TSPYL6: variants seen among roughly 807,000 people sequenced by gnomAD.
TSPYL6 encodes the protein testis-specific Y-encoded-like protein 6.
For missense variants in TSPYL6, 699 were observed against 531.5 expected (o/e 1.32, Z -3.10); for synonymous variants, 259 against 214.8 (o/e 1.21, Z -1.80).
rs1213946557 is a variant in TSPYL6 at position 54,256,163 on chromosome 2, C to T, written c.-12G>A. On this transcript the variant is annotated 5_prime_UTR_variant, in exon 1 of 1. Coordinates refer to ENST00000317802, the MANE Select transcript of TSPYL6 (RefSeq NM_001003937.3). ...TCCGGGAGGCTCATGTTGGTAGCGG[C>T]CAGGGCAGCAGTGGGTAGAGGCCAG... The T allele has an allele frequency of 8.1e-6, 13 of 1,604,512 alleles. No homozygotes were observed. The highest frequency in any genetic ancestry group is 1.1e-5 in the Non-Finnish European group (13 of 1,174,740).
chr2:54,254,922 A>G lies in TSPYL6; in HGVS notation c.1230T>C (p.Gly410=), dbSNP rs1687419732. ...GGAGTAATTCCAAAGGCAAAGGTTA[A>G]CCACACTGGAACCCAAAGGGCCTGG... ...EIPRPFGFQC[G] is the part of the protein sequence containing the mutation. Residue 410 remains glycine (G), a synonymous_variant, in exon 1 of 1, where the codon GGT becomes GGC. Coordinates refer to ENST00000317802, the MANE Select transcript of TSPYL6 (RefSeq NM_001003937.3). The G allele has an allele frequency of 1.9e-6, 3 of 1,608,630 alleles. No individual in the cohort carries two copies. In the African/African-American group the frequency reaches 4.0e-5, roughly 22 times the overall value.
In TSPYL6 at chr2:54,255,291, G is replaced by A; in HGVS notation, c.861C>T (p.His287=). ...ACTTAAACTTGCAGCCTGTCCTAGG[G>A]TGTCTGAGCTCCTTCACTTCCAAAT... ...LTNLEVKELR[H]PRTGCKFKFF... is the part of the protein sequence containing the mutation. The change falls in exon 1 of 1, where the codon CAC becomes CAT. Residue 287 remains histidine (H), a synonymous_variant. Transcript: ENST00000317802. The A allele has an allele frequency of 3.1e-6, 5 of 1,614,196 alleles. No homozygotes were observed. Among genetic ancestry groups the A allele is most frequent in the Non-Finnish European group, 4.2e-6 (5 of 1,180,036 alleles).
In TSPYL6 at chr2:54,254,041, A is replaced by C. The variant is rs1014686838; in HGVS notation, c.*878T>G. ...TTCATTAGGTTCAGGAAGGGAGGCA[A>C]ATAAAGGTACCTAGATTTTGAATGA... On this transcript the variant is annotated 3_prime_UTR_variant, in exon 1 of 1. Coordinates refer to ENST00000317802, the MANE Select transcript of TSPYL6 (RefSeq NM_001003937.3). 1 of 152,184 alleles carries C rather than the reference A, an allele frequency of 6.6e-6. No individual in the cohort carries two copies. Among genetic ancestry groups the C allele is most frequent in the African/African-American group, 2.4e-5 (1 of 41,444 alleles). 9.4% of individuals were successfully genotyped at this position (152,184 alleles called of 1,614,324 possible).
rs1687420263 is a variant in TSPYL6, at chr2:54,254,943, C to T, written c.1209G>A (p.Arg403=). 6.2e-7 allele frequency: 1 copy of T among 1,612,724 alleles called. No homozygotes were observed. The highest frequency in any genetic ancestry group is 1.1e-5 in the South Asian group (1 of 90,860). ...RLVREPVEIP[R]PFGFQCG ...GTTAACCACACTGGAACCCAAAGGG[C>T]CTGGGGATCTCCACTGGCTCCCTTA... is the stretch of plus-strand genomic sequence containing the variant. Residue 403 remains arginine, a synonymous_variant, in exon 1 of 1, where the codon AGG becomes AGA. Coordinates refer to ENST00000317802, the MANE Select transcript of TSPYL6 (RefSeq NM_001003937.3).
rs1421827440 is a variant in TSPYL6, at chr2:54,253,884, C to T, written c.*1035G>A. The stretch of plus-strand genomic sequence containing the variant: ...CAGAACAGCCTGCCTCTGGACATGA[C>T]AAAGAGAGCCAAGAAACTAAAAAGC... On this transcript the variant is annotated 3_prime_UTR_variant, in exon 1 of 1. Transcript: ENST00000317802. 6.6e-6 allele frequency: 1 copy of T among 152,114 alleles called. No homozygotes were observed. The highest frequency in any genetic ancestry group is 1.5e-5 in the Non-Finnish European group (1 of 68,044). The allele number at this position is 152,114 out of a possible 1,614,324, so 9.4% of individuals were successfully genotyped here.
At position 54,255,741 on chromosome 2, in the gene TSPYL6, C is replaced by A. The variant is rs1463941424; in HGVS notation, c.411G>T (p.Ser137=). 1.2e-6 allele frequency: 2 copies of A among 1,613,864 alleles called. No individual in the cohort carries two copies. The highest frequency in any genetic ancestry group is 1.7e-6 in the Non-Finnish European group (2 of 1,180,028). ...KALETCGAGR[S]ESEVIAEGKA... is the part of the protein sequence containing the mutation. Reference sequence around the variant, plus strand: ...TCCCCTCTGCAATCACTTCAGACTCCGACCTCCCTGCCCCACAGGTTTCTA... The same window carrying A: ...TCCCCTCTGCAATCACTTCAGACTCAGACCTCCCTGCCCCACAGGTTTCTA... Residue 137 remains serine, a synonymous_variant, in exon 1 of 1, where the codon TCG becomes TCT. Coordinates refer to ENST00000317802, the MANE Select transcript of TSPYL6 (RefSeq NM_001003937.3).
chr2:54,253,992 G>C lies in TSPYL6; in HGVS notation c.*927C>G, dbSNP rs775736724. 3.9e-5 allele frequency: 6 copies of C among 152,160 alleles called. No individual in the cohort carries two copies. Among genetic ancestry groups the C allele is most frequent in the African/African-American group, 4.8e-5 (2 of 41,436 alleles). 9.4% of individuals were successfully genotyped at this position (152,160 alleles called of 1,614,324 possible). On this transcript the variant is annotated 3_prime_UTR_variant, in exon 1 of 1. Coordinates refer to ENST00000317802, the MANE Select transcript of TSPYL6 (RefSeq NM_001003937.3). ...GAGATTTATGAGAGATGAGAGAAAA[G>C]AAAGTGTACACTCACTCTGGCACTT...
rs1342597654 is a variant in TSPYL6 at position 54,254,244 on chromosome 2, T to C, written c.*675A>G. ...GTCTTTTGGAAGAGGAACAGGTCTTTTGTGTGCTGACAGGAAAGCTGTGTC... is the reference window on the plus strand; with the variant it reads ...GTCTTTTGGAAGAGGAACAGGTCTTCTGTGTGCTGACAGGAAAGCTGTGTC... On this transcript the variant is annotated 3_prime_UTR_variant, in exon 1 of 1. Transcript: ENST00000317802. 2.6e-5 allele frequency: 4 copies of C among 152,256 alleles called. No homozygotes were observed. The highest frequency in any genetic ancestry group is 6.5e-5 in the Admixed American group (1 of 15,282). The allele number at this position is 152,256 out of a possible 1,614,324, so 9.4% of individuals were successfully genotyped here.
chr2:54,254,732 G>A lies in TSPYL6; in HGVS notation c.*187C>T. 1.7e-6 allele frequency: 1 copy of A among 596,438 alleles called. No individual in the cohort carries two copies. The highest frequency in any genetic ancestry group is 2.8e-5 in the East Asian group (1 of 36,024). The allele number at this position is 596,438 out of a possible 1,614,324, so 36.9% of individuals were successfully genotyped here. ...TTAATGCAGAATAGCAAGACGACCAGGTGAAAGGGGAGCAGCACAGCCACC... is the reference window on the plus strand; with the variant it reads ...TTAATGCAGAATAGCAAGACGACCAAGTGAAAGGGGAGCAGCACAGCCACC... On this transcript the variant is annotated 3_prime_UTR_variant, in exon 1 of 1. Coordinates refer to ENST00000317802, the MANE Select transcript of TSPYL6 (RefSeq NM_001003937.3).
rs1188928098 is a variant in TSPYL6 at position 54,255,782 on chromosome 2, C to G, written c.370G>C (p.Gly124Arg). Residue 124 changes from glycine to arginine, a missense_variant, in exon 1 of 1, where the codon GGT becomes CGT. Transcript: ENST00000317802. The stretch of plus-strand genomic sequence containing the variant: ...CAGGTTTCTAGAGCCTTCTCCCCAC[C>G]TAGGCCGTGCGTCTCTTCACCCGGA... Reference protein sequence around the residue: ...GFPGEETHGLGGEKALETCGA... With the variant: ...GFPGEETHGLRGEKALETCGA... The G allele has an allele frequency of 3.7e-6, 6 of 1,613,910 alleles. No homozygotes were observed. The highest frequency in any genetic ancestry group is 5.1e-6 in the Non-Finnish European group (6 of 1,180,040).
chr2:54,253,616 A>G lies in TSPYL6; in HGVS notation c.*1303T>C, dbSNP rs1030156377. ...AAGTACTTCTCTTCCCATCATAACT[A>G]GTCAACCCAGTGTAAATTCTAGGCC... On this transcript the variant is annotated 3_prime_UTR_variant, in exon 1 of 1. Coordinates refer to ENST00000317802, the MANE Select transcript of TSPYL6 (RefSeq NM_001003937.3). The G allele has an allele frequency of 6.6e-6, 1 of 152,224 alleles. No individual in the cohort carries two copies. Among genetic ancestry groups the G allele is most frequent in the Non-Finnish European group, 1.5e-5 (1 of 68,046 alleles). The allele number at this position is 152,224 out of a possible 1,614,324, so 9.4% of individuals were successfully genotyped here.
chr2:54,255,714 C>T lies in TSPYL6; in HGVS notation c.438G>A (p.Lys146=), dbSNP rs375382594. ...RSESEVIAEG[K]AEDVKPEECA... is the part of the protein sequence containing the mutation. ...ACTCCTCAGGCTTCACGTCCTCGGCCTTCCCCTCTGCAATCACTTCAGACT... is the reference window on the plus strand; with the variant it reads ...ACTCCTCAGGCTTCACGTCCTCGGCTTTCCCCTCTGCAATCACTTCAGACT... The change falls in exon 1 of 1, where the codon AAG becomes AAA. Residue 146 remains lysine, a synonymous_variant. Coordinates refer to ENST00000317802, the MANE Select transcript of TSPYL6 (RefSeq NM_001003937.3). The T allele has an allele frequency of 7.4e-6, 12 of 1,613,920 alleles. No homozygotes were observed. The African/African-American group carries it at 1.2e-4, about 16-fold the overall frequency.
At position 54,254,048 on chromosome 2, in the gene TSPYL6, G is replaced by C. The variant is rs1687362259; in HGVS notation, c.*871C>G. On this transcript the variant is annotated 3_prime_UTR_variant, in exon 1 of 1. Coordinates refer to ENST00000317802, the MANE Select transcript of TSPYL6 (RefSeq NM_001003937.3). ...GGTTCAGGAAGGGAGGCAAATAAAG[G>C]TACCTAGATTTTGAATGAATCCACT... 1 of 152,210 alleles carries C rather than the reference G, an allele frequency of 6.6e-6. No homozygotes were observed. Among genetic ancestry groups the C allele is most frequent in the African/African-American group, 2.4e-5 (1 of 41,442 alleles). 9.4% of individuals were successfully genotyped at this position (152,210 alleles called of 1,614,324 possible). A position where few individuals can be genotyped will look rare whatever the true frequency, so the allele number is the denominator to read the frequency against.
rs139167284 is a variant in TSPYL6, at chr2:54,254,785, C to T, written c.*134G>A. 171 of 840,840 alleles carry T rather than the reference C, an allele frequency of 2.0e-4. 1 individual carries two copies. In the East Asian group the frequency reaches 3.9e-3, roughly 19 times the overall value. 52.1% of individuals were successfully genotyped at this position (840,840 alleles called of 1,614,324 possible). On this transcript the variant is annotated 3_prime_UTR_variant, in exon 1 of 1. Coordinates refer to ENST00000317802, the MANE Select transcript of TSPYL6 (RefSeq NM_001003937.3). ...GGTCTCAATCTTCAGGTTGAGAGAA[C>T]GGAAAGTTTAAACAGAGGGTACAGG...
At position 54,254,977 on chromosome 2, in the gene TSPYL6, C is replaced by A. The variant is rs757162814; in HGVS notation, c.1175G>T (p.Arg392Leu). 6.2e-7 allele frequency: 1 copy of A among 1,613,974 alleles called. No homozygotes were observed. Among genetic ancestry groups the A allele is most frequent in the Non-Finnish European group, 8.5e-7 (1 of 1,179,978 alleles). The change falls in exon 1 of 1, where the codon CGT becomes CTT. Residue 392 changes from arginine (R) to leucine (L), a missense_variant. Physicochemically the swap from Arg to Leu is moderately radical, Grantham distance 102 (BLOSUM62 -2). Transcript: ENST00000317802. The stretch of plus-strand genomic sequence containing the variant: ...CTCCACTGGCTCCCTTACCAGGCGA[C>A]GTCTAGCTCTATGGGCGTCTTCACC... The part of the protein sequence containing the change: ...LLGEDAHRAR[R>L]RLVREPVEIP...
Position 54,254,591 on chromosome 2 carries a change from C to T in TSPYL6, c.*328G>A, listed in dbSNP as rs1001922085. The T allele has an allele frequency of 2.8e-5, 7 of 250,070 alleles. No individual in the cohort carries two copies. The highest frequency in any genetic ancestry group is 4.5e-5 in the African/African-American group (2 of 44,644). 15.5% of individuals were successfully genotyped at this position (250,070 alleles called of 1,614,324 possible). A position where few individuals can be genotyped will look rare whatever the true frequency, so the allele number is the denominator to read the frequency against. On this transcript the variant is annotated 3_prime_UTR_variant, in exon 1 of 1. Transcript: ENST00000317802. ...CAGCTAGAAATCCAAGTAGGAGGAG[C>T]CAGACCAGAGGTCCTGGGAACAAAC... is the stretch of plus-strand genomic sequence containing the variant.
chr2:54,256,055 T>G lies in TSPYL6; in HGVS notation c.97A>C (p.Thr33Pro), dbSNP rs762001516. 6.2e-7 allele frequency: 1 copy of G among 1,614,168 alleles called. No homozygotes were observed. The highest frequency in any genetic ancestry group is 2.2e-5 in the East Asian group (1 of 44,868). The change falls in exon 1 of 1, where the codon ACA becomes CCA. Residue 33 changes from threonine (T) to proline (P), a missense_variant. Physicochemically the swap from Thr to Pro is conservative, Grantham distance 38. Coordinates refer to ENST00000317802, the MANE Select transcript of TSPYL6 (RefSeq NM_001003937.3). ...GQRSREKSKA[T>P]EVMADMFDGR... is the part of the protein sequence containing the mutation. ...TCAAACATATCTGCCATTACCTCTG[T>G]CGCCTTGCTCTTTTCTCGGGACCTC...
rs1266349392 is a variant in TSPYL6, at chr2:54,255,880, G to C, written c.272C>G (p.Thr91Ser). Reference protein sequence around the residue: ...HGAIKAGQEVTPPPAEGLEAA... With the variant: ...HGAIKAGQEVSPPPAEGLEAA... ...TTCTAGGCCCTCCGCGGGTGGTGGA[G>C]TCACTTCCTGCCCCGCTTTGATGGC... is the stretch of plus-strand genomic sequence containing the variant. The change falls in exon 1 of 1, where the codon ACT (threonine) becomes AGT (serine). Residue 91 changes from threonine (T) to serine (S), a missense_variant. By Grantham distance (58) the Thr-to-Ser change is moderately conservative. Transcript: ENST00000317802. The C allele has an allele frequency of 6.2e-7, 1 of 1,614,048 alleles. No homozygotes were observed. The highest frequency in any genetic ancestry group is 2.2e-5 in the East Asian group (1 of 44,870).
At position 54,254,829 on chromosome 2, in the gene TSPYL6, G is replaced by T. The variant is rs1687415017; in HGVS notation, c.*90C>A. ...GTACAGGAAAGTCAGAACAAAAAAA[G>T]TAAAGGGCATACCTAATGCTGTTGC... On this transcript the variant is annotated 3_prime_UTR_variant, in exon 1 of 1. Transcript: ENST00000317802. 1.5e-6 allele frequency: 2 copies of T among 1,323,600 alleles called. No homozygotes were observed. The highest frequency in any genetic ancestry group is 1.5e-5 in the African/African-American group (1 of 68,106). The allele number at this position is 1,323,600 out of a possible 1,614,324, so 82.0% of individuals were successfully genotyped here.
Sources: allele counts gnomAD v4.1 joint callset, GRCh38; gene constraint gnomAD v4.1.1; transcripts MANE v1.5; gene names NCBI Gene and HGNC (gene_info 2026-07-23, HGNC 2026-07-21).